SLC14A2: variants seen among roughly 807,000 people sequenced by gnomAD.
SLC14A2 encodes urea transporter 2.
In SLC14A2, 91 loss-of-function variants were observed where a neutral mutation model predicts 104.6. The ratio of observed to expected loss-of-function variants is 0.87; its 90% confidence interval spans 0.73 to 1.04. SLC14A2 has a LOEUF of 1.04. Ranked by LOEUF, SLC14A2 falls within the 50% of genes least tolerant of loss-of-function variation. The pLI, the probability that SLC14A2 is intolerant of heterozygous loss-of-function variation, is 0.00. For synonymous variants in SLC14A2, 476 were observed against 466.4 expected, an observed-to-expected ratio of 1.02 and a Z score of -0.27; for missense variants, 1,189 against 1,156.0, an observed-to-expected ratio of 1.03 and a Z score of -0.41.
intron 1 of SLC14A2, among the ~76,000 whole-genome samples, chr18:45,472,700 T>A (rs554982156): frequency 1.3e-5 from 2 of 152,252 alleles, no homozygotes; most frequent in Admixed American, 1.3e-4. Flanking sequence ...GTCCATATCC[T>A]TCGCCCATTT....
At chr18:45,384,037 G>C (rs2085867305) in intron 1 of SLC14A2, among the ~76,000 whole-genome samples, 1 of 152,136 alleles carries the variant, frequency 6.6e-6, no homozygotes, top group Non-Finnish European at 1.5e-5. Flanking sequence ...AAGGTCCCTG[G>C]GTTGGGCAGA....
At chr18:45,296,502 T>A (rs921533283) in intron 1 of SLC14A2, among the ~76,000 whole-genome samples, 2 of 152,196 alleles carry the variant, frequency 1.3e-5, no homozygotes, top group Non-Finnish European at 2.9e-5. Context: ...CAGGAGTTAA[T>A]GAAGTATTTT....
intron 1 of SLC14A2, among the ~76,000 whole-genome samples, chr18:45,352,607 C>A (rs73429992): frequency 1.3e-3 from 193 of 152,084 alleles, no homozygotes; most frequent in African/African-American, 4.4e-3. Flanking sequence ...TACAACCCAT[C>A]GAGAGAGACA....
chr18:45,349,953 T>C (rs558394955), intron 1 of SLC14A2, among the ~76,000 whole-genome samples: 1 of 152,372 alleles, frequency 6.6e-6, no homozygotes, highest in African/African-American at 2.4e-5. Flanking sequence ...AAATCAGAAG[T>C]AGTCAAAATA....
chr18:45,224,048 A>T (rs575269457), intron 1 of SLC14A2, among the ~76,000 whole-genome samples: 2 of 152,370 alleles, frequency 1.3e-5, no homozygotes, highest in African/African-American at 4.8e-5. Context: ...TCAAGAGAGT[A>T]ATTTATTTAT....
chr18:45,516,066 C>A (rs1018085792), intron 2 of SLC14A2, among the ~76,000 whole-genome samples: 57 of 152,330 alleles, frequency 3.7e-4, no homozygotes, highest in African/African-American at 1.3e-3. Context: ...CCATACAAAA[C>A]TTAATCTTTG....
chr18:45,347,393 T>G (rs1204008311), intron 1 of SLC14A2, among the ~76,000 whole-genome samples: 2 of 152,230 alleles, frequency 1.3e-5, no homozygotes, highest in Non-Finnish European at 2.9e-5. Context: ...TTAGGTCTTT[T>G]ACCTACCTGA....
At chr18:45,408,919 TGA>T (rs1291452228) in intron 1 of SLC14A2, among the ~76,000 whole-genome samples, 5 of 152,164 alleles carry the variant, frequency 3.3e-5, no homozygotes, top group Non-Finnish European at 4.4e-5. Context: ...ATCTTAAAAA[TGA>T]GAGGTGTACA....
intron 1 of SLC14A2, among the ~76,000 whole-genome samples, chr18:45,420,499 C>T (rs1163115868): frequency 6.6e-6 from 1 of 152,088 alleles, no homozygotes; most frequent in African/African-American, 2.4e-5. Flanking sequence ...CTTTGCAGCT[C>T]ACATGTGGAT....
chr18:45,405,671 G>A (rs750168993), intron 1 of SLC14A2, among the ~76,000 whole-genome samples: 2 of 152,168 alleles, frequency 1.3e-5, no homozygotes, highest in East Asian at 1.9e-4. Context: ...GGGAGGCCGA[G>A]GCAGGTGGAT....
rs188547983 is a variant in SLC14A2 at position 45,384,515 on chromosome 18, C to T, written c.-124-98718C>T. ...CAATTTCTTAGGGCTGCAGGGGACACCCCTGAGTCACCCCCAACCTGCCTT... is the reference window on the plus strand; with the variant it reads ...CAATTTCTTAGGGCTGCAGGGGACATCCCTGAGTCACCCCCAACCTGCCTT... On this transcript the variant is annotated intron_variant, in intron 1 of 20. Coordinates refer to the SLC14A2 transcript ENST00000586448. 2.6e-5 allele frequency among the ~76,000 whole-genome samples: 4 copies of T among 152,282 alleles called. No homozygotes were observed. In the East Asian group the frequency reaches 7.7e-4, roughly 29 times the overall value.
chr18:45,549,361 G>T (rs2044021267), intron 2 of SLC14A2, among the ~76,000 whole-genome samples: 2 of 152,250 alleles, frequency 1.3e-5, no homozygotes, highest in Admixed American at 1.3e-4. Context: ...GCCAGAGCCA[G>T]CCAAGCTGTA....
the SLC14A2 span, among the ~76,000 whole-genome samples, chr18:45,175,469 T>A: frequency 1.1e-4 from 16 of 152,238 alleles, no homozygotes; most frequent in Non-Finnish European, 2.1e-4. Context: ...TAGTTGCATG[T>A]GGCAATGCTG....
intron 1 of SLC14A2, among the ~76,000 whole-genome samples, chr18:45,340,449 G>A (rs536610099): frequency 7.9e-5 from 12 of 152,284 alleles, no homozygotes; most frequent in African/African-American, 2.9e-4. Flanking sequence ...GAAGATAAAG[G>A]GAGGTGAGAA....
chr18:45,529,249 T>C (rs1435279736), intron 2 of SLC14A2: 2 of 152,212 alleles, frequency 1.3e-5, no homozygotes, highest in Non-Finnish European at 2.9e-5. Context: ...AAAACAGCTA[T>C]TTAACCTTGT....
chr18:45,369,023 G>C (rs1430996907), intron 1 of SLC14A2, among the ~76,000 whole-genome samples: 1 of 152,172 alleles, frequency 6.6e-6, no homozygotes, highest in African/African-American at 2.4e-5. Flanking sequence ...AATTGAATGA[G>C]TGTTTTCAAC....
At chr18:45,485,952 A>G (rs1228734053) in intron 2 of SLC14A2, among the ~76,000 whole-genome samples, 1 of 152,110 alleles carries the variant, frequency 6.6e-6, no homozygotes, top group African/African-American at 2.4e-5. Flanking sequence ...TTTAGACTCC[A>G]AGGAAGCCAT....
At chr18:45,198,832 G>A in the SLC14A2 span, among the ~76,000 whole-genome samples, 1 of 151,784 alleles carries the variant, frequency 6.6e-6, no homozygotes, top group African/African-American at 2.4e-5. Context: ...GTCTGGAATT[G>A]TAATTCCAAC....
At position 45,309,572 on chromosome 18, in the gene SLC14A2, G is replaced by A. The variant is rs142562595; in HGVS notation, c.-125+96381G>A. ...CAACCCCTGACTTTTTTACAGTCCG[G>A]TGGAAAGTCACTCCTTGTCCACTGT... On this transcript the variant is annotated intron_variant, in intron 1 of 20. Coordinates refer to the SLC14A2 transcript ENST00000586448. Among the ~76,000 whole-genome samples, 493 of 152,270 alleles carry A rather than the reference G, an allele frequency of 3.2e-3. 9 individuals are homozygous for A. The highest frequency in any genetic ancestry group is 0.028 in the Admixed American group (429 of 15,290).
Sources: gnomAD v4.1 joint callset for allele counts (sites outside exome capture counted in the v4.1 genomes callset) on GRCh38, gnomAD v4.1.1 for gene constraint, MANE v1.5 for transcripts, NCBI Gene and HGNC (gene_info 2026-07-23, HGNC 2026-07-21) for gene names.